TMEM132D: variants seen among roughly 807,000 people sequenced by gnomAD.
The protein encoded by TMEM132D is mature OL transmembrane protein.
A neutral mutation model predicts 62.3 loss-of-function variants in TMEM132D; 21 were observed. The ratio of observed to expected loss-of-function variants is 0.34; its 90% confidence interval spans 0.24 to 0.49. The LOEUF (loss-of-function observed/expected upper bound fraction) is 0.49, where lower values mean the gene tolerates loss of function less well. TMEM132D is among the 20% of genes least tolerant of loss of function. The pLI is 0.99. For missense variants in TMEM132D, 1,346 were observed against 1,402.8 expected (o/e 0.96, Z 0.65); for synonymous variants, 621 against 575.6 (o/e 1.08, Z -1.13).
intron 3 of TMEM132D, among the ~76,000 whole-genome samples, chr12:129,507,010 G>GA (rs958036628): frequency 6.6e-6 from 1 of 151,724 alleles, no homozygotes; most frequent in African/African-American, 2.4e-5. Flanking sequence ...AAATTAGCAA[G>GA]AAAAAAACAA....
At chr12:129,153,731 G>A (rs1345067959) in intron 5 of TMEM132D, among the ~76,000 whole-genome samples, 2 of 152,298 alleles carry the variant, frequency 1.3e-5, no homozygotes, top group East Asian at 1.9e-4. Context: ...AGTAGGGCCA[G>A]GGGCTCAGGT....
chr12:129,305,046 C>G (rs1881815592), intron 4 of TMEM132D, among the ~76,000 whole-genome samples: 1 of 152,222 alleles, frequency 6.6e-6, no homozygotes, highest in South Asian at 2.1e-4. Flanking sequence ...TTTCCACTAA[C>G]TAGACTGTTC....
At chr12:129,242,683 C>T (rs929807996) in intron 4 of TMEM132D, among the ~76,000 whole-genome samples, 5 of 151,960 alleles carry the variant, frequency 3.3e-5, no homozygotes, top group African/African-American at 4.8e-5. Flanking sequence ...TATTTCTTCT[C>T]TGTTTTGTTT....
At chr12:129,816,982 AG>A (rs1213652855) in intron 1 of TMEM132D, among the ~76,000 whole-genome samples, 1 of 152,246 alleles carries the variant, frequency 6.6e-6, no homozygotes, top group Non-Finnish European at 1.5e-5. Context: ...AATTTTATCA[AG>A]AATAGCACTT....
chr12:129,829,001 G>C (rs571138412), intron 1 of TMEM132D, among the ~76,000 whole-genome samples: 4 of 151,920 alleles, frequency 2.6e-5, no homozygotes, highest in Non-Finnish European at 5.9e-5. Flanking sequence ...CAAGAAGCCA[G>C]TGTGAATCTC....
intron 3 of TMEM132D, chr12:129,522,562 C>T (rs1193527458): frequency 6.6e-6 from 1 of 151,986 alleles, no homozygotes; most frequent in Non-Finnish European, 1.5e-5. Context: ...TGTCATGGAG[C>T]GTGAAGGGAC....
At chr12:129,300,246 A>C (rs1881678972) in intron 4 of TMEM132D, among the ~76,000 whole-genome samples, 1 of 152,222 alleles carries the variant, frequency 6.6e-6, no homozygotes, top group African/African-American at 2.4e-5. Context: ...CACTCAGAGA[A>C]GTGATTAACC....
intron 5 of TMEM132D, among the ~76,000 whole-genome samples, chr12:129,199,122 T>C (rs1878624280): frequency 6.9e-6 from 1 of 144,848 alleles, no homozygotes; most frequent in Non-Finnish European, 1.5e-5. Flanking sequence ...TTTTTTTTTT[T>C]TTTTTGAAAC....
chr12:129,780,574 T>A lies in TMEM132D; in HGVS notation c.80-79876A>T, dbSNP rs566580597. 4.6e-5 allele frequency among the ~76,000 whole-genome samples: 7 copies of A among 152,210 alleles called. No homozygotes were observed. In the South Asian group the frequency reaches 1.5e-3, roughly 32 times the overall value. On this transcript the variant is annotated intron_variant, in intron 1 of 8. Transcript: ENST00000422113. ...GGAGACCCTGCTGCCATCTGGCTGC[T>A]TCCCCAAACTTTGCTTTACTTGCCT...
intron 1 of TMEM132D, among the ~76,000 whole-genome samples, chr12:129,837,918 A>T (rs1873056904): frequency 6.6e-6 from 1 of 152,198 alleles, no homozygotes; most frequent in Admixed American, 6.5e-5. Context: ...AAGTTAATAC[A>T]TCTGTCATAT....
chr12:129,866,424 C>T (rs1051050242), intron 1 of TMEM132D, among the ~76,000 whole-genome samples: 3 of 135,938 alleles, frequency 2.2e-5, no homozygotes, highest in Non-Finnish European at 3.0e-5. Context: ...TGGGGAACAT[C>T]ACACACCGGG....
intron 4 of TMEM132D, among the ~76,000 whole-genome samples, chr12:129,254,131 T>A (rs912246779): frequency 6.6e-6 from 1 of 152,108 alleles, no homozygotes; most frequent in Non-Finnish European, 1.5e-5. Context: ...CAGGACTTTC[T>A]CCACATTCGG....
At chr12:129,141,165 C>T (rs1293121528) in intron 5 of TMEM132D, among the ~76,000 whole-genome samples, 11 of 152,184 alleles carry the variant, frequency 7.2e-5, no homozygotes, top group Non-Finnish European at 2.9e-5. Context: ...AGAACTCTTG[C>T]TACCACAAGA....
At chr12:129,646,259 A>G (rs1370906629) in intron 2 of TMEM132D, among the ~76,000 whole-genome samples, 5 of 152,146 alleles carry the variant, frequency 3.3e-5, no homozygotes, top group Non-Finnish European at 7.3e-5. Flanking sequence ...TGTCTCTTTT[A>G]TTCTCCACAA....
chr12:129,491,149 G>T (rs1425258113), intron 3 of TMEM132D, among the ~76,000 whole-genome samples: 1 of 152,098 alleles, frequency 6.6e-6, no homozygotes, highest in African/African-American at 2.4e-5. Flanking sequence ...AGGCTTACTT[G>T]CATGGGGCTT....
intron 2 of TMEM132D, among the ~76,000 whole-genome samples, chr12:129,555,208 G>A (rs142480487): frequency 4.6e-5 from 7 of 152,290 alleles, no homozygotes; most frequent in African/African-American, 7.2e-5. Flanking sequence ...TCAACAGCCC[G>A]ATGGTATTCA....
intron 1 of TMEM132D, among the ~76,000 whole-genome samples, chr12:129,773,656 G>A (rs1870829921): frequency 6.6e-6 from 1 of 152,092 alleles, no homozygotes; most frequent in Non-Finnish European, 1.5e-5. Flanking sequence ...CTCAGAGCAG[G>A]ATTAACTAGA....
chr12:129,832,416 A>G (rs1425686897), intron 1 of TMEM132D, among the ~76,000 whole-genome samples: 1 of 152,076 alleles, frequency 6.6e-6, no homozygotes, highest in Non-Finnish European at 1.5e-5. Flanking sequence ...AACATGGTAT[A>G]TAACATATCG....
intron 2 of TMEM132D, among the ~76,000 whole-genome samples, chr12:129,696,199 C>A (rs60909853): frequency 0.027 from 4,037 of 152,270 alleles, 128 homozygotes; most frequent in East Asian, 0.075. Flanking sequence ...CTCACTTCTG[C>A]CCTTTGTCAA....
Sources: gnomAD v4.1 joint callset for allele counts (sites outside exome capture counted in the v4.1 genomes callset) on GRCh38, gnomAD v4.1.1 for gene constraint, MANE v1.5 for transcripts, NCBI Gene and HGNC (gene_info 2026-07-23, HGNC 2026-07-21) for gene names.